Variants in CACNA1S observed in about 807,000 individuals in gnomAD.
CACNA1S encodes calcium voltage-gated channel subunit alpha1 S, also known as voltage-dependent L-type calcium channel subunit alpha-1S.
Under a neutral mutation model 207.4 loss-of-function variants are expected in CACNA1S, and 126 were observed. That is an observed-to-expected ratio of 0.61 (90% CI 0.53 to 0.70). The LOEUF is 0.70. Ranked by LOEUF, CACNA1S falls within the 30% of genes least tolerant of loss-of-function variation. The probability of loss-of-function intolerance (pLI) is 0.00; values close to 1 mark genes in which losing one functional copy is unlikely to be tolerated. For missense variants in CACNA1S, 2,349 were observed against 2,422.8 expected, an observed-to-expected ratio of 0.97 and a Z score of 0.64; for synonymous variants, 960 against 932.7, an observed-to-expected ratio of 1.03 and a Z score of -0.53.
chr1:201,039,674 T>G lies in CACNA1S; in HGVS notation c.*157A>C. ...CCTGTCCAGCTACTTCCTCCGCACT[T>G]TTTGAGGTGGTTCCTGACCACCCTG... is the stretch of plus-strand genomic sequence containing the variant. On this transcript the variant is annotated 3_prime_UTR_variant, in exon 44 of 44. Coordinates refer to ENST00000362061, the MANE Select transcript of CACNA1S (RefSeq NM_000069.3). 1 of 923,884 alleles carries G rather than the reference T, an allele frequency of 1.1e-6. No homozygotes were observed. The highest frequency in any genetic ancestry group is 1.7e-6 in the Non-Finnish European group (1 of 600,294). 57.2% of individuals were successfully genotyped at this position (923,884 alleles called of 1,614,324 possible). A position where few individuals can be genotyped will look rare whatever the true frequency, so the allele number is the denominator to read the frequency against.
At chr1:201,077,461 C>T (rs1050092568) in intron 11 of CACNA1S, among the ~76,000 whole-genome samples, 29 of 152,186 alleles carry the variant, frequency 1.9e-4, no homozygotes, top group African/African-American at 6.3e-4. Flanking sequence ...ATGCAAGTGA[C>T]GGATAAATAG....
In CACNA1S at chr1:201,061,329, T is replaced by A. The variant is rs750662807; in HGVS notation, c.3193A>T (p.Ile1065Phe). ...TCTCCCTGCTCCTGGAAGGTGACAA[T>A]GACGAAGCCCACAAAGATGTTCATC... is the stretch of plus-strand genomic sequence containing the variant. ...FMMNIFVGFV[I>F]VTFQEQGETE... is the part of the protein sequence containing the mutation. The change falls in exon 25 of 44, where the codon ATT becomes TTT. Residue 1065 changes from isoleucine to phenylalanine, a missense_variant. Physicochemically the swap from Ile to Phe is conservative, Grantham distance 21. Coordinates refer to ENST00000362061, the MANE Select transcript of CACNA1S (RefSeq NM_000069.3). 2.5e-6 allele frequency: 4 copies of A among 1,614,172 alleles called. No individual in the cohort carries two copies. Among genetic ancestry groups the A allele is most frequent in the Non-Finnish European group, 2.5e-6 (3 of 1,180,036 alleles).
chr1:201,100,786 C>T (rs537624064), intron 2 of CACNA1S, among the ~76,000 whole-genome samples: 16 of 151,710 alleles, frequency 1.1e-4, no homozygotes, highest in African/African-American at 3.9e-4. Context: ...AGTAAGCACC[C>T]GCTTATGAGC....
chr1:201,045,714 G>A lies in CACNA1S; in HGVS notation c.4669-1258C>T, dbSNP rs370906381. Among the ~76,000 whole-genome samples, 9 of 133,888 alleles carry A rather than the reference G, an allele frequency of 6.7e-5. No homozygotes were observed. The South Asian group carries it at 9.6e-4, about 14-fold the overall frequency. 87.8% of individuals were successfully genotyped at this position (133,888 alleles called of 152,430 possible). On this transcript the variant is annotated intron_variant, in intron 38 of 43. Transcript: ENST00000362061. ...CATGCCTCTGCACTCCAGCCTGGGC[G>A]ACAGCGAGACTCTTGTCTCCAAAAA...
Position 201,101,549 on chromosome 1 carries a change from G to A in CACNA1S, c.259-7528C>T, listed in dbSNP as rs191233154. ...CAGGGGTCCCGGCTGGGGCAGGGCCGGGTGGCCCTCCTCTACTGGCAATGC... is the reference window on the plus strand; with the variant it reads ...CAGGGGTCCCGGCTGGGGCAGGGCCAGGTGGCCCTCCTCTACTGGCAATGC... On this transcript the variant is annotated intron_variant, in intron 2 of 43. Coordinates refer to ENST00000362061, the MANE Select transcript of CACNA1S (RefSeq NM_000069.3). Among the ~76,000 whole-genome samples, 32 of 152,358 alleles carry A rather than the reference G, an allele frequency of 2.1e-4. 1 individual carries two copies. Among genetic ancestry groups the A allele is most frequent in the African/African-American group, 6.7e-4 (28 of 41,592 alleles).
chr1:201,110,133 G>C (rs116259814), intron 2 of CACNA1S, 31 bp downstream of exon 2: 3 of 1,592,132 alleles, frequency 1.9e-6, no homozygotes, highest in South Asian at 2.2e-5. Context: ...CTGCAGGCTC[G>C]CAGGAAGGGA....
chr1:201,070,140 G>A, intron 17 of CACNA1S, 132 bp downstream of exon 17: 1 of 1,006,406 alleles, frequency 9.9e-7, no homozygotes, highest in Non-Finnish European at 1.5e-6. Context: ...CAGGGCACAA[G>A]ATCTTAAGCT....
At chr1:201,070,148 GC>G (rs1661397527) in intron 17 of CACNA1S, 123 bp downstream of exon 17, 1 of 1,081,276 alleles carries the variant, frequency 9.2e-7, no homozygotes, top group African/African-American at 1.6e-5. Context: ...AAGATCTTAA[GC>G]TAAAACACTG....
chr1:201,088,914 A>G (rs1662125043), intron 6 of CACNA1S, among the ~76,000 whole-genome samples: 1 of 152,178 alleles, frequency 6.6e-6, no homozygotes, highest in Non-Finnish European at 1.5e-5. Flanking sequence ...AAGGAAAAAG[A>G]CTCAAAGGGC....
Position 201,040,054 on chromosome 1 carries a change from A to T in CACNA1S, c.5399T>A (p.Leu1800Ter), listed in dbSNP as rs12139527. ...CATGATGAAGTTTGCATCAGCTGCCAAGGTGCCCAGGCCCCCTCGAACCAG... is the reference window on the plus strand; with the variant it reads ...CATGATGAAGTTTGCATCAGCTGCCTAGGTGCCCAGGCCCCCTCGAACCAG... ...KALVRGGLGTLAADANFIMAT... is the reference protein window; with the variant it reads ...KALVRGGLGT The change falls in exon 44 of 44, where the codon TTG becomes TAG. Residue 1800 changes from leucine to a stop codon, truncating the protein, a stop_gained. Transcript: ENST00000362061. LOFTEE classifies it low-confidence loss of function (END_TRUNC). The T allele has an allele frequency of 6.2e-7, 1 of 1,613,994 alleles. No individual in the cohort carries two copies. Among genetic ancestry groups the T allele is most frequent in the African/African-American group, 1.3e-5 (1 of 74,876 alleles).
Position 201,053,179 on chromosome 1 carries a change from T to C in CACNA1S, c.3861+30A>G, listed in dbSNP as rs1284984026. The C allele has an allele frequency of 1.9e-6, 3 of 1,613,500 alleles. No individual in the cohort carries two copies. Among genetic ancestry groups the C allele is most frequent in the East Asian group, 4.5e-5 (2 of 44,872 alleles). Reference sequence around the variant, plus strand: ...CCCCCTCTAACTTGGCCAAGATCCATGCTTTGGCCTGGGCCCGCCTGCCTC... The same window carrying C: ...CCCCCTCTAACTTGGCCAAGATCCACGCTTTGGCCTGGGCCCGCCTGCCTC... On this transcript the variant is annotated intron_variant, in intron 31 of 43. Transcript: ENST00000362061. This position sits in a 1 kb window ranked among gnomAD's most constrained non-coding sequence, Gnocchi z 5.1.
At chr1:201,083,369 G>GC (rs758063211) in intron 9 of CACNA1S, 47 bp from the exon 10 acceptor site, 1 of 1,597,558 alleles carries the variant, frequency 6.3e-7, no homozygotes, top group African/African-American at 1.3e-5. Context: ...GCTGTTCTAC[G>GC]CCCCACCTGT....
intron 10 of CACNA1S, among the ~76,000 whole-genome samples, chr1:201,082,521 G>T (rs937047584): frequency 2.0e-5 from 3 of 152,090 alleles, no homozygotes; most frequent in Admixed American, 6.5e-5. Context: ...ACTGCCTAGG[G>T]CTTGTTTACC....
chr1:201,044,302 TA>T (rs1458908016), intron 39 of CACNA1S, 25 bp downstream of exon 39: 9 of 1,611,948 alleles, frequency 5.6e-6, no homozygotes, highest in African/African-American at 1.3e-5. Flanking sequence ...TCTAGACCAC[TA>T]GGGGTGCTCC....
chr1:201,048,712 G>C, intron 35 of CACNA1S, 28 bp from the exon 36 acceptor site: 1 of 1,587,714 alleles, frequency 6.3e-7, no homozygotes, highest in Non-Finnish European at 8.6e-7. Context: ...GTGGCCTGCC[G>C]CTGAGCTGGG....
chr1:201,087,976 T>C (rs373913795), intron 6 of CACNA1S, 47 bp from the exon 7 acceptor site: 50 of 1,312,382 alleles, frequency 3.8e-5, no homozygotes, highest in Non-Finnish European at 5.0e-5. Flanking sequence ...GCTTGGTTCC[T>C]CTTCCCCAAG....
At position 201,053,056 on chromosome 1, in the gene CACNA1S, G is replaced by C. The variant is rs934640181; in HGVS notation, c.3861+153C>G. On this transcript the variant is annotated intron_variant, in intron 31 of 43. Coordinates refer to ENST00000362061, the MANE Select transcript of CACNA1S (RefSeq NM_000069.3). The surrounding 1 kb of genome is among the most constrained non-coding windows in gnomAD (Gnocchi z 5.1). ...AGCATCTGACACTCCAGCCATCCAC[G>C]ATCAGGGAGGTTGTCCCTCCTTCTT... Among the ~76,000 whole-genome samples, 1 of 152,142 alleles carries C rather than the reference G, an allele frequency of 6.6e-6. No homozygotes were observed. Among genetic ancestry groups the C allele is most frequent in the Non-Finnish European group, 1.5e-5 (1 of 68,040 alleles).
intron 9 of CACNA1S, among the ~76,000 whole-genome samples, chr1:201,084,425 T>A (rs1239933591): frequency 6.6e-6 from 1 of 152,262 alleles, no homozygotes; most frequent in Non-Finnish European, 1.5e-5. Flanking sequence ...TGTATAGCTC[T>A]ATTGTTTGAT....
intron 1 of CACNA1S, among the ~76,000 whole-genome samples, chr1:201,111,921 C>CCCA (rs1663118985): frequency 2.1e-5 from 2 of 95,850 alleles, no homozygotes; most frequent in Non-Finnish European, 2.2e-5. Flanking sequence ...CTTCCTCTTC[C>CCCA]TCCTCCTCCT....
Sources: gnomAD v4.1 joint callset for allele counts (sites outside exome capture counted in the v4.1 genomes callset) on GRCh38, gnomAD v4.1.1 for gene constraint, Gnocchi (gnomAD v3.1) non-coding constraint, MANE v1.5 for transcripts, NCBI Gene and HGNC (gene_info 2026-07-23, HGNC 2026-07-21) for gene names.